RP1: variants seen among roughly 807,000 people sequenced by gnomAD.
RP1 encodes the protein oxygen-regulated protein 1.
A neutral mutation model predicts 14.8 loss-of-function variants in RP1; 16 were observed. The ratio of observed to expected loss-of-function variants is 1.08; its 90% confidence interval spans 0.73 to 1.65. RP1 has a LOEUF of 1.65. RP1 is among the 40% of genes most tolerant of loss of function. The probability of loss-of-function intolerance (pLI) is 0.00; values close to 1 mark genes in which losing one functional copy is unlikely to be tolerated. For missense variants in RP1, 2,631 were observed against 2,535.0 expected (o/e 1.04, Z -0.81); for synonymous variants, 876 against 883.6 (o/e 0.99, Z 0.15).
In RP1 at chr8:54,679,928, A is replaced by G. The variant is rs993360104; in HGVS notation, c.1712A>G (p.Lys571Arg). The G allele has an allele frequency of 3.9e-6, 6 of 1,535,812 alleles. No homozygotes were observed. In the African/African-American group the frequency reaches 8.2e-5, roughly 21 times the overall value. ...GACGCCATTGGAGAGAAGACAGACA[A>G]ATATGGTAAAACTATCGTACAAAGC... Residue 571 changes from lysine (K) to arginine (R), a missense_variant, in exon 12 of 23, where the codon AAA becomes AGA. By Grantham distance (26) the Lys-to-Arg change is conservative (BLOSUM62 2). Coordinates refer to the RP1 transcript ENST00000636932.
intron 12 of RP1, among the ~76,000 whole-genome samples, chr8:54,693,609 ACT>A (rs890861203): frequency 6.6e-6 from 1 of 151,070 alleles, no homozygotes; most frequent in Non-Finnish European, 1.5e-5. Context: ...TCATGATTTG[ACT>A]CTCTGTTTGT....
intron 1 of RP1, among the ~76,000 whole-genome samples, chr8:54,619,749 A>C (rs1159988586): frequency 6.6e-6 from 1 of 152,262 alleles, no homozygotes; most frequent in Non-Finnish European, 1.5e-5. Context: ...TGCTTAGTGC[A>C]GTGTTTCCCA....
At chr8:54,688,394 A>G (rs1240761317) in intron 12 of RP1, among the ~76,000 whole-genome samples, 3 of 152,170 alleles carry the variant, frequency 2.0e-5, no homozygotes, top group African/African-American at 4.8e-5. Context: ...GCCCATGCCT[A>G]TGTCCTGAAT....
chr8:54,617,653 G>A lies in RP1; in HGVS notation c.-13+1451G>A, dbSNP rs117087760. Reference sequence around the variant, plus strand: ...TTACACAGACTCTCCTCTGGAAATTGCCCTCTCTTCTCACTCCTACCCCCA... The same window carrying A: ...TTACACAGACTCTCCTCTGGAAATTACCCTCTCTTCTCACTCCTACCCCCA... On this transcript the variant is annotated intron_variant, in intron 1 of 3. Coordinates refer to ENST00000220676, the MANE Select transcript of RP1 (RefSeq NM_006269.2). Among the ~76,000 whole-genome samples the A allele has an allele frequency of 6.5e-3, 983 of 152,216 alleles. 6 individuals are homozygous for A. The highest frequency in any genetic ancestry group is 0.02 in the Middle Eastern group (6 of 294).
chr8:54,714,867 C>G (rs1478977121), intron 15 of RP1, among the ~76,000 whole-genome samples: 1 of 152,198 alleles, frequency 6.6e-6, no homozygotes, highest in Non-Finnish European at 1.5e-5. Context: ...GAAGAATATA[C>G]AGTGGGCCTT....
intron 8 of RP1, among the ~76,000 whole-genome samples, chr8:54,675,347 T>C (rs529870144): frequency 2.5e-4 from 38 of 152,260 alleles, no homozygotes; most frequent in African/African-American, 8.9e-4. Flanking sequence ...ATTCCACAGA[T>C]AATATTGCAT....
At chr8:54,582,896 G>C (rs1171384452) in intron 1 of RP1, among the ~76,000 whole-genome samples, 2 of 152,110 alleles carry the variant, frequency 1.3e-5, no homozygotes, top group African/African-American at 4.8e-5. Flanking sequence ...AAGGAGATTT[G>C]GGGCTGAGAG....
intron 24 of RP1, among the ~76,000 whole-genome samples, chr8:54,806,304 AT>A (rs1485049563): frequency 1.3e-5 from 2 of 151,910 alleles, no homozygotes; most frequent in Non-Finnish European, 2.9e-5. Context: ...AGCGTGAGCC[AT>A]TGTGTCTGGC....
chr8:54,853,754 G>GAGAAAGAAAGAAAGAA lies in RP1; in HGVS notation c.3990+1029_3990+1030insAAGAAAGAAAGAAAGA, dbSNP rs1554540440. The stretch of plus-strand genomic sequence containing the variant: ...AAAAAAAGAGAGAAAGAAAGAAAGA[G>GAGAAAGAAAGAAAGAA]AGAGAGAAAGAAAGAGAAAGGAAGG... On this transcript the variant is annotated intron_variant, in intron 26 of 28. Coordinates refer to the RP1 transcript ENST00000637698. Among the ~76,000 whole-genome samples, 2 of 142,028 alleles carry GAGAAAGAAAGAAAGAA rather than the reference G, an allele frequency of 1.4e-5. 1 individual carries two copies. The highest frequency in any genetic ancestry group is 5.3e-5 in the African/African-American group (2 of 37,746). 93.2% of individuals were successfully genotyped at this position (142,028 alleles called of 152,430 possible).
At chr8:54,671,171 T>C (rs948771396) in intron 7 of RP1, among the ~76,000 whole-genome samples, 5 of 152,112 alleles carry the variant, frequency 3.3e-5, no homozygotes, top group African/African-American at 1.2e-4. Context: ...TGTTGCCCTT[T>C]AGCCTGCATG....
At chr8:54,830,642 G>A (rs901006775) in intron 24 of RP1, among the ~76,000 whole-genome samples, 6 of 152,016 alleles carry the variant, frequency 3.9e-5, no homozygotes, top group African/African-American at 1.4e-4. Flanking sequence ...AATCCAGTCT[G>A]ATAATCTCTG....
chr8:54,850,672 C>T (rs1563395946), intron 25 of RP1, among the ~76,000 whole-genome samples: 1 of 152,114 alleles, frequency 6.6e-6, no homozygotes, highest in Non-Finnish European at 1.5e-5. Flanking sequence ...TAAGTTCTCC[C>T]TTTGGGTTAA....
At chr8:54,848,264 A>T (rs1375055342) in intron 25 of RP1, among the ~76,000 whole-genome samples, 1 of 151,924 alleles carries the variant, frequency 6.6e-6, no homozygotes, top group African/African-American at 2.4e-5. Flanking sequence ...CTGCTTCTGC[A>T]CTCTCCTCTG....
At chr8:54,580,998 TTATC>T (rs991291975) in intron 1 of RP1, among the ~76,000 whole-genome samples, 17 of 134,348 alleles carry the variant, frequency 1.3e-4, no homozygotes, top group African/African-American at 2.0e-4. Flanking sequence ...TTTTATTTAT[TTATC>T]TATTTATTTT....
intron 1 of RP1, among the ~76,000 whole-genome samples, chr8:54,604,801 T>C (rs1775327503): frequency 6.6e-6 from 1 of 152,258 alleles, no homozygotes; most frequent in African/African-American, 2.4e-5. Context: ...ATCCATTTCT[T>C]CTAGATTTTC....
rs1483084207 is a variant in RP1 at position 54,625,710 on chromosome 8, G to A, written c.1828G>A (p.Ala610Thr). The change falls in exon 4 of 4, where the codon GCA (alanine) becomes ACA (threonine). Residue 610 changes from alanine to threonine, a missense_variant. Ala to Thr is a moderately conservative substitution (Grantham distance 58). Transcript: ENST00000220676. ...NTNDRFSPIS[A>T]DATHFSSNNS... The stretch of plus-strand genomic sequence containing the variant: ...CAATGATAGGTTCAGTCCTATTTCA[G>A]CAGATGCAACCCATTTTTCAAGTAA... The A allele has an allele frequency of 6.2e-7, 1 of 1,614,066 alleles. No homozygotes were observed. The highest frequency in any genetic ancestry group is 1.7e-5 in the Admixed American group (1 of 60,016).
chr8:54,816,874 G>A (rs189922220), intron 24 of RP1, among the ~76,000 whole-genome samples: 50 of 152,164 alleles, frequency 3.3e-4, no homozygotes, highest in African/African-American at 1.1e-3. Flanking sequence ...CTCCAAGCTT[G>A]ACCACTCCAA....
chr8:54,652,640 G>A (rs1405744897), intron 4 of RP1: 1 of 625,158 alleles, frequency 1.6e-6, no homozygotes, highest in East Asian at 2.8e-5. Flanking sequence ...GTACTCTCTT[G>A]TTAGGTGTGC....
chr8:54,817,740 C>T (rs1811167639), intron 24 of RP1, among the ~76,000 whole-genome samples: 1 of 152,080 alleles, frequency 6.6e-6, no homozygotes, highest in South Asian at 2.1e-4. Flanking sequence ...TCTAGAACAC[C>T]TCATTATTCC....
Sources: allele counts gnomAD v4.1 joint callset (sites outside exome capture counted in the v4.1 genomes callset), GRCh38; gene constraint gnomAD v4.1.1; transcripts MANE v1.5; gene names NCBI Gene and HGNC (gene_info 2026-07-23, HGNC 2026-07-21).